P2RY2: variants seen among roughly 807,000 people sequenced by gnomAD.
P2RY2 encodes purinergic receptor P2Y2, also known as P2Y purinoceptor 2.
For missense variants in P2RY2, 567 were observed against 515.7 expected (o/e 1.10, Z -0.96); for synonymous variants, 241 against 231.9 (o/e 1.04, Z -0.35).
chr11:73,234,782 C>T lies in P2RY2; in HGVS notation c.623C>T (p.Ala208Val). 2 of 1,611,828 alleles carry T rather than the reference C, an allele frequency of 1.2e-6. No individual in the cohort carries two copies. The highest frequency in any genetic ancestry group is 1.7e-6 in the Non-Finnish European group (2 of 1,179,950). Residue 208 changes from alanine (A) to valine (V), a missense_variant, in exon 3 of 3, where the codon GCG (alanine) becomes GTG (valine). By Grantham distance (64) the Ala-to-Val change is moderately conservative. Coordinates refer to ENST00000393597, the MANE Select transcript of P2RY2 (RefSeq NM_002564.4). ...YSSVMLGLLF[A>V]VPFAVILVCY... ...TCAGTCATGCTGGGCCTGCTCTTCG[C>T]GGTGCCCTTTGCCGTCATCCTTGTC...
chr11:73,241,633 T>C lies in P2RY2; in HGVS notation c.*6340T>C, dbSNP rs932731279. ...TTTAAGATTTCCATCGCCTGCTTAATTGAATGCTCACCTGTCCTCTTCCCC... is the reference window on the plus strand; with the variant it reads ...TTTAAGATTTCCATCGCCTGCTTAACTGAATGCTCACCTGTCCTCTTCCCC... On this transcript the variant is annotated 3_prime_UTR_variant, in exon 3 of 3. Transcript: ENST00000393597. The C allele has an allele frequency of 3.3e-5, 5 of 152,242 alleles. No individual in the cohort carries two copies. Among genetic ancestry groups the C allele is most frequent in the African/African-American group, 1.2e-4 (5 of 41,442 alleles). 9.4% of individuals were successfully genotyped at this position (152,242 alleles called of 1,614,324 possible). A position where few individuals can be genotyped will look rare whatever the true frequency, so the allele number is the denominator to read the frequency against.
At position 73,237,233 on chromosome 11, in the gene P2RY2, C is replaced by A; in HGVS notation, c.*1940C>A. Reference sequence around the variant, plus strand: ...GGTTCTATACTTCTGTTAATGTAGCCGATGTCCTTCTGAGTTTTTTTTTTC... The same window carrying A: ...GGTTCTATACTTCTGTTAATGTAGCAGATGTCCTTCTGAGTTTTTTTTTTC... On this transcript the variant is annotated 3_prime_UTR_variant, in exon 3 of 3. Coordinates refer to ENST00000393597, the MANE Select transcript of P2RY2 (RefSeq NM_002564.4). 1.9e-6 allele frequency: 1 copy of A among 528,726 alleles called. No individual in the cohort carries two copies. Among genetic ancestry groups the A allele is most frequent in the African/African-American group, 2.1e-5 (1 of 48,534 alleles). 32.8% of individuals were successfully genotyped at this position (528,726 alleles called of 1,614,324 possible).
At chr11:73,227,028 C>A (rs1435178674) in intron 1 of P2RY2, among the ~76,000 whole-genome samples, 2 of 152,062 alleles carry the variant, frequency 1.3e-5, no homozygotes, top group Admixed American at 1.3e-4. Context: ...TTGCTGCACC[C>A]ATCAACCCAT....
chr11:73,228,435 G>A (rs945305453), intron 2 of P2RY2, among the ~76,000 whole-genome samples: 1 of 152,234 alleles, frequency 6.6e-6, no homozygotes, highest in African/African-American at 2.4e-5. Flanking sequence ...TATCTACCAA[G>A]GGATGGAGGT....
At chr11:73,229,260 A>T (rs1862377426) in intron 2 of P2RY2, among the ~76,000 whole-genome samples, 1 of 152,242 alleles carries the variant, frequency 6.6e-6, no homozygotes, top group African/African-American at 2.4e-5. Context: ...GGTTCGGGGA[A>T]GGCTTTCCAG....
intron 2 of P2RY2, among the ~76,000 whole-genome samples, chr11:73,228,783 G>A (rs925158364): frequency 5.3e-5 from 8 of 152,190 alleles, no homozygotes; most frequent in Admixed American, 4.6e-4. Flanking sequence ...TTGTCCTTGA[G>A]AGGCCCTCAG....
rs1862690101 is a variant in P2RY2 at position 73,237,800 on chromosome 11, GT to G, written c.*2509del. 6.6e-6 allele frequency among the ~76,000 whole-genome samples: 1 copy of G among 152,200 alleles called. No individual in the cohort carries two copies. The highest frequency in any genetic ancestry group is 1.5e-5 in the Non-Finnish European group (1 of 68,036). ...CCAGGCCACTTGCCTTGTGGGTGAA[GT>G]TCCTGCCCTGATGCCTCATGCTATT... On this transcript the variant is annotated 3_prime_UTR_variant, in exon 3 of 3. Transcript: ENST00000393597.
chr11:73,222,514 GC>G (rs1450758449), intron 1 of P2RY2, among the ~76,000 whole-genome samples: 1 of 152,116 alleles, frequency 6.6e-6, no homozygotes, highest in Non-Finnish European at 1.5e-5. Flanking sequence ...TAGAGGCCAA[GC>G]TTTTCAGCCT....
At chr11:73,219,598 G>C (rs577949853) in intron 1 of P2RY2, among the ~76,000 whole-genome samples, 5 of 152,208 alleles carry the variant, frequency 3.3e-5, no homozygotes, top group African/African-American at 1.2e-4. Flanking sequence ...TCCCAACTGT[G>C]CCCCTCCCTA....
At chr11:73,222,194 T>C (rs1230689661) in intron 1 of P2RY2, among the ~76,000 whole-genome samples, 3 of 152,130 alleles carry the variant, frequency 2.0e-5, no homozygotes. Flanking sequence ...TGGGGCTTTA[T>C]GTGGCCTCTC....
intron 2 of P2RY2, among the ~76,000 whole-genome samples, chr11:73,230,121 G>C (rs544234961): frequency 6.6e-6 from 1 of 152,130 alleles, no homozygotes; most frequent in Admixed American, 6.5e-5. Context: ...TCGCAAGGGG[G>C]CCTCTCCTTG....
chr11:73,228,993 C>CTTCA (rs58289514), intron 2 of P2RY2, among the ~76,000 whole-genome samples: 82,163 of 150,026 alleles, frequency 0.55, 22,634 homozygotes, highest in Admixed American at 0.63. Context: ...CTTGTGCTTG[C>CTTCA]TTCATTCATT....
chr11:73,228,583 T>C (rs1346456792), intron 2 of P2RY2, among the ~76,000 whole-genome samples: 1 of 152,140 alleles, frequency 6.6e-6, no homozygotes, highest in African/African-American at 2.4e-5. Context: ...AGAGCGCCCA[T>C]GTCCAATCCC....
At position 73,235,738 on chromosome 11, in the gene P2RY2, C is replaced by T. The variant is rs1862634574; in HGVS notation, c.*445C>T. 9.9e-7 allele frequency: 1 copy of T among 1,005,894 alleles called. No homozygotes were observed. The highest frequency in any genetic ancestry group is 1.2e-6 in the Non-Finnish European group (1 of 834,138). 62.3% of individuals were successfully genotyped at this position (1,005,894 alleles called of 1,614,324 possible). A position where few individuals can be genotyped will look rare whatever the true frequency, so the allele number is the denominator to read the frequency against. ...CAAGTCACAGGTTGGCCAGAAAACC[C>T]TGGTAAGTAATGAGGGCTGAGTTTG... is the stretch of plus-strand genomic sequence containing the variant. On this transcript the variant is annotated 3_prime_UTR_variant, in exon 3 of 3. Coordinates refer to ENST00000393597, the MANE Select transcript of P2RY2 (RefSeq NM_002564.4).
At position 73,229,050 on chromosome 11, in the gene P2RY2, G is replaced by T. The variant is rs77488372; in HGVS notation, c.-5+875G>T. On this transcript the variant is annotated intron_variant, in intron 2 of 2. Transcript: ENST00000393597. ...TCTCATTCCTGTAATACCTCCTGTG[G>T]TCAGGCCTCCTGCTGGATGATAGGG... Among the ~76,000 whole-genome samples the T allele has an allele frequency of 6.8e-3, 1,030 of 152,188 alleles. 14 individuals are homozygous for T. Among genetic ancestry groups the T allele is most frequent in the African/African-American group, 0.023 (967 of 41,498 alleles).
rs1862711402 is a variant in P2RY2 at position 73,238,672 on chromosome 11, T to C, written c.*3379T>C. On this transcript the variant is annotated 3_prime_UTR_variant, in exon 3 of 3. Transcript: ENST00000393597. ...CCCTGGGAAGTAGATGCTATGATCC[T>C]ATTTAGCAGATGAGGAAACAGGAGA... Among the ~76,000 whole-genome samples, 1 of 152,208 alleles carries C rather than the reference T, an allele frequency of 6.6e-6. No individual in the cohort carries two copies. Among genetic ancestry groups the C allele is most frequent in the South Asian group, 2.1e-4 (1 of 4,834 alleles).
rs1862674500 is a variant in P2RY2 at position 73,237,188 on chromosome 11, T to G, written c.*1895T>G. ...GTGACCTGCCCAGAATAGTGTGAGC[T>G]ATTCACCTCTCACCTTCTAGGTTCT... On this transcript the variant is annotated 3_prime_UTR_variant, in exon 3 of 3. Transcript: ENST00000393597. 3 of 827,828 alleles carry G rather than the reference T, an allele frequency of 3.6e-6. No homozygotes were observed. In the East Asian group the frequency reaches 3.7e-4, roughly 102 times the overall value. 51.3% of individuals were successfully genotyped at this position (827,828 alleles called of 1,614,324 possible). A position where few individuals can be genotyped will look rare whatever the true frequency, so the allele number is the denominator to read the frequency against.
intron 1 of P2RY2, among the ~76,000 whole-genome samples, chr11:73,222,195 G>A (rs938118741): frequency 6.6e-6 from 1 of 152,104 alleles, no homozygotes; most frequent in Admixed American, 6.5e-5. Context: ...GGGGCTTTAT[G>A]TGGCCTCTCC....
rs149068650 is a variant in P2RY2, at chr11:73,225,421, G to A, written c.-199-2560G>A. ...TGAGACCTTGAGCTACCCCTTTCTG[G>A]CCTTAGTTTTTCTACCTGTGAGATG... On this transcript the variant is annotated intron_variant, in intron 1 of 2. Coordinates refer to ENST00000393597, the MANE Select transcript of P2RY2 (RefSeq NM_002564.4). 5.9e-5 allele frequency among the ~76,000 whole-genome samples: 9 copies of A among 152,294 alleles called. No individual in the cohort carries two copies. In the East Asian group the frequency reaches 1.7e-3, roughly 29 times the overall value.
Sources: allele counts gnomAD v4.1 joint callset (sites outside exome capture counted in the v4.1 genomes callset), GRCh38; gene constraint gnomAD v4.1.1; transcripts MANE v1.5; gene names NCBI Gene and HGNC (gene_info 2026-07-23, HGNC 2026-07-21).